SEC63: variants seen among roughly 807,000 people sequenced by gnomAD.
The protein encoded by SEC63 is SEC63 protein translocation regulator.
Under a neutral mutation model 116.2 loss-of-function variants are expected in SEC63, and 56 were observed. The ratio of observed to expected loss-of-function variants is 0.48; its 90% CI spans 0.39 to 0.60. The LOEUF (loss-of-function observed/expected upper bound fraction) is 0.60, where lower values mean the gene tolerates loss of function less well. Among genes scored for constraint, SEC63 ranks in the 20% least tolerant of loss-of-function variants. The probability of loss-of-function intolerance (pLI) is 0.00; values close to 1 mark genes in which losing one functional copy is unlikely to be tolerated. For missense variants in SEC63, 668 were observed against 900.0 expected (o/e 0.74, Z 3.30); for synonymous variants, 273 against 294.6 (o/e 0.93, Z 0.75).
At chr6:107,874,720 G>T (rs1450323493) in intron 19 of SEC63, among the ~76,000 whole-genome samples, 3 of 151,934 alleles carry the variant, frequency 2.0e-5, no homozygotes, top group Non-Finnish European at 4.4e-5. Flanking sequence ...CTGTTGCCCA[G>T]GCTGAAGTAC....
chr6:107,883,617 G>T, intron 16 of SEC63: 1 of 153,046 alleles, frequency 6.5e-6, no homozygotes, highest in Non-Finnish European at 1.4e-5. Flanking sequence ...AACACAGCAA[G>T]ACCTGATCCC....
At chr6:107,956,224 G>A (rs1164156488) in intron 1 of SEC63, 1 of 173,596 alleles carries the variant, frequency 5.8e-6, no homozygotes, top group African/African-American at 2.4e-5. Flanking sequence ...TGTTCTGCCT[G>A]ATCAAAACAC....
At chr6:107,931,308 C>A (rs1787801259) in intron 1 of SEC63, among the ~76,000 whole-genome samples, 1 of 151,868 alleles carries the variant, frequency 6.6e-6, no homozygotes, top group African/African-American at 2.4e-5. Flanking sequence ...CGCCATTGCA[C>A]TCCAGCCTGG....
At chr6:107,887,807 A>C (rs1343121028) in intron 16 of SEC63, among the ~76,000 whole-genome samples, 1 of 152,230 alleles carries the variant, frequency 6.6e-6, no homozygotes, top group Admixed American at 6.5e-5. Context: ...TGCTTTCTGC[A>C]TATGGCTAGC....
At chr6:107,909,223 C>T (rs889305229) in intron 7 of SEC63, 188 bp from the exon 8 acceptor site, 3 of 493,548 alleles carry the variant, frequency 6.1e-6, no homozygotes. Context: ...AAGAAAAATG[C>T]AAACATTAGC....
intron 1 of SEC63, among the ~76,000 whole-genome samples, chr6:107,940,531 C>T (rs1467942504): frequency 1.3e-5 from 2 of 152,036 alleles, no homozygotes; most frequent in Admixed American, 6.6e-5. Context: ...ATGCCAGGAA[C>T]AGCTCCCCAG....
intron 8 of SEC63, among the ~76,000 whole-genome samples, chr6:107,908,478 C>T (rs1244877423): frequency 6.6e-6 from 1 of 152,116 alleles, no homozygotes; most frequent in Non-Finnish European, 1.5e-5. Flanking sequence ...ACCAGACTGC[C>T]TGGGTTCAAT....
chr6:107,946,314 C>A (rs1770480061), intron 1 of SEC63, among the ~76,000 whole-genome samples: 1 of 151,812 alleles, frequency 6.6e-6, no homozygotes, highest in African/African-American at 2.4e-5. Flanking sequence ...CTCACTGCAT[C>A]CTCCACCTCC....
intron 1 of SEC63, among the ~76,000 whole-genome samples, chr6:107,937,122 CA>C (rs1770265720): frequency 2.5e-5 from 1 of 40,422 alleles, no homozygotes; most frequent in Non-Finnish European, 4.8e-5. Context: ...ATATGTACCA[CA>C]TTTTTTTTTT....
At chr6:107,945,351 G>A (rs1353742320) in intron 1 of SEC63, among the ~76,000 whole-genome samples, 2 of 147,750 alleles carry the variant, frequency 1.4e-5, no homozygotes, top group East Asian at 4.0e-4. Flanking sequence ...CTGTCGCCCA[G>A]GCTGGAGTGC....
intron 1 of SEC63, among the ~76,000 whole-genome samples, chr6:107,942,976 A>G (rs1385587392): frequency 6.6e-6 from 1 of 152,236 alleles, no homozygotes; most frequent in East Asian, 1.9e-4. Flanking sequence ...CACTTAGAGC[A>G]TCACTAGTGG....
chr6:107,916,551 T>A (rs995052184), intron 4 of SEC63, among the ~76,000 whole-genome samples: 1 of 152,262 alleles, frequency 6.6e-6, no homozygotes, highest in Non-Finnish European at 1.5e-5. Flanking sequence ...GCAAACTTCT[T>A]ATTGCACTTT....
Position 107,929,513 on chromosome 6 carries a change from C to T in SEC63, c.126G>A (p.Glu42=), listed in dbSNP as rs955944118. 1.3e-6 allele frequency: 2 copies of T among 1,566,798 alleles called. No individual in the cohort carries two copies. Among genetic ancestry groups the T allele is most frequent in the Non-Finnish European group, 1.8e-6 (2 of 1,137,786 alleles). ...YYLWPRDQNA[E]QIRLKNIRKV... ...TTCTGATATTCTTTAATCGAATTTG[C>T]TCTGTCAAGAAAGAAAAATAAGATG... Residue 42 remains glutamate (E), a splice_region_variant and synonymous_variant, in exon 2 of 21, where the codon GAG becomes GAA. Coordinates refer to ENST00000369002, the MANE Select transcript of SEC63 (RefSeq NM_007214.5).
chr6:107,935,785 A>C (rs1770233605), intron 1 of SEC63, among the ~76,000 whole-genome samples: 1 of 149,748 alleles, frequency 6.7e-6, no homozygotes, highest in South Asian at 2.1e-4. Flanking sequence ...AGAATGATCA[A>C]TTAAAAAAAA....
chr6:107,911,825 G>A (rs1381835585), intron 6 of SEC63, among the ~76,000 whole-genome samples: 1 of 152,186 alleles, frequency 6.6e-6, no homozygotes, highest in East Asian at 1.9e-4. Flanking sequence ...TCAGTAGTTA[G>A]TGCTCTGGGA....
intron 16 of SEC63, among the ~76,000 whole-genome samples, chr6:107,889,098 G>A (rs1340191260): frequency 6.6e-6 from 1 of 152,174 alleles, no homozygotes; most frequent in Non-Finnish European, 1.5e-5. Context: ...GATGATGCTG[G>A]CCTCATAAAA....
chr6:107,873,441 A>T (rs761737909), intron 19 of SEC63, among the ~76,000 whole-genome samples: 27 of 152,320 alleles, frequency 1.8e-4, no homozygotes, highest in East Asian at 7.7e-4. Context: ...ACAATTTTTT[A>T]AAAATGACAT....
At chr6:107,885,825 A>G (rs1786513846) in intron 16 of SEC63, among the ~76,000 whole-genome samples, 1 of 152,184 alleles carries the variant, frequency 6.6e-6, no homozygotes, top group South Asian at 2.1e-4. Flanking sequence ...AGAATGAACT[A>G]GAGTCCATAA....
chr6:107,916,387 T>C (rs781396296), intron 4 of SEC63, among the ~76,000 whole-genome samples: 6 of 152,218 alleles, frequency 3.9e-5, no homozygotes, highest in Non-Finnish European at 7.3e-5. Context: ...GTAATTCACA[T>C]AGATAAACAG....
Sources: allele counts gnomAD v4.1 joint callset (sites outside exome capture counted in the v4.1 genomes callset), GRCh38; gene constraint gnomAD v4.1.1; transcripts MANE v1.5; gene names NCBI Gene and HGNC (gene_info 2026-07-23, HGNC 2026-07-21).